The following BICD1 variants were observed in gnomAD, a reference collection of about 807,000 sequenced individuals.
BICD1 encodes protein bicaudal D homolog 1.
BICD1 carries 35 observed loss-of-function variants against 92.5 expected under a neutral mutation model. That is an observed-to-expected ratio of 0.38 (90% CI 0.29 to 0.50). The LOEUF is 0.50. Ranked by LOEUF, BICD1 falls within the 20% of genes least tolerant of loss-of-function variation. The pLI, the probability that BICD1 is intolerant of heterozygous loss-of-function variation, is 0.93. For synonymous variants in BICD1, 429 were observed against 465.1 expected, an observed-to-expected ratio of 0.92 and a Z score of 1.00; for missense variants, 950 against 1,189.8, an observed-to-expected ratio of 0.80 and a Z score of 2.97.
chr12:32,295,082 G>GAAAAAAA (rs10647988), intron 3 of BICD1, among the ~76,000 whole-genome samples: 11 of 103,340 alleles, frequency 1.1e-4, no homozygotes, highest in South Asian at 3.5e-4. Flanking sequence ...ATTCCGTCTC[G>GAAAAAAA]AAAAAAAAAA....
At chr12:32,142,426 AAAAAAC>A (rs1171329941) in intron 1 of BICD1, among the ~76,000 whole-genome samples, 6 of 40,830 alleles carry the variant, frequency 1.5e-4, no homozygotes, top group African/African-American at 3.8e-4. Context: ...AAAAAAAAAA[AAAAAAC>A]AAAAAACCCC....
intron 2 of BICD1, among the ~76,000 whole-genome samples, chr12:32,248,413 T>C (rs1946443783): frequency 6.6e-6 from 1 of 152,212 alleles, no homozygotes; most frequent in South Asian, 2.1e-4. Flanking sequence ...ATTTTCATTT[T>C]GTTTTGTTGT....
intron 2 of BICD1, among the ~76,000 whole-genome samples, chr12:32,284,664 T>G (rs1488694538): frequency 6.6e-6 from 1 of 152,232 alleles, no homozygotes; most frequent in Non-Finnish European, 1.5e-5. Context: ...ATCGTGTGGC[T>G]GTTTTGCTTA....
In BICD1 at chr12:32,197,925, G is replaced by T. The variant is rs530108796; in HGVS notation, c.214-18322G>T. Among the ~76,000 whole-genome samples the T allele has an allele frequency of 1.5e-3, 224 of 151,490 alleles. 4 individuals carry two copies. The South Asian group carries it at 0.045, about 30-fold the overall frequency. ...TGCATATAGTAAAAAAAAAAAAATT[G>T]CCAGGCACCGTGGCTCATGCCTGTA... On this transcript the variant is annotated intron_variant, in intron 1 of 9. Transcript: ENST00000652176.
At chr12:32,346,508 C>A (rs1189634156) in intron 8 of BICD1, among the ~76,000 whole-genome samples, 1 of 120,880 alleles carries the variant, frequency 8.3e-6, no homozygotes, top group South Asian at 2.7e-4. Context: ...CAGAGTGAGA[C>A]CCTGTCAAAA....
chr12:32,228,594 T>C (rs1282813567), intron 2 of BICD1, among the ~76,000 whole-genome samples: 4 of 152,164 alleles, frequency 2.6e-5, no homozygotes, highest in African/African-American at 9.7e-5. Context: ...CATCCAGATA[T>C]GCAAAAATGG....
chr12:32,156,758 G>A (rs1943450838), intron 1 of BICD1, among the ~76,000 whole-genome samples: 1 of 152,168 alleles, frequency 6.6e-6, no homozygotes, highest in Non-Finnish European at 1.5e-5. Context: ...GTGTATTGCA[G>A]AACACTCATG....
At chr12:32,221,355 AAAAAT>A (rs1260409828) in intron 2 of BICD1, among the ~76,000 whole-genome samples, 3 of 140,518 alleles carry the variant, frequency 2.1e-5, no homozygotes, top group Non-Finnish European at 3.0e-5. Flanking sequence ...CAAAAAATAA[AAAAAT>A]AAATAAATAA....
intron 8 of BICD1, 51 bp downstream of exon 8, chr12:32,339,030 A>C: frequency 6.6e-7 from 1 of 1,509,604 alleles, no homozygotes; most frequent in South Asian, 1.3e-5. Context: ...AGTTGAATAG[A>C]CTCTCCCCTT....
chr12:32,338,709 A>T, intron 7 of BICD1, 77 bp from the exon 8 acceptor site: 1 of 1,179,178 alleles, frequency 8.5e-7, no homozygotes, highest in Non-Finnish European at 1.2e-6. Context: ...TAATGTTGTC[A>T]CTGGTGAGGC....
intron 2 of BICD1, among the ~76,000 whole-genome samples, chr12:32,289,790 CA>C (rs1565645177): frequency 6.6e-6 from 1 of 152,092 alleles, no homozygotes; most frequent in Non-Finnish European, 1.5e-5. Flanking sequence ...TAAATTCAGG[CA>C]TATTTGCTTA....
rs1414313740 is a variant in BICD1, at chr12:32,383,435, C to T, written c.*5808C>T. 1.3e-5 allele frequency: 2 copies of T among 152,128 alleles called. No individual in the cohort carries two copies. Among genetic ancestry groups the T allele is most frequent in the Non-Finnish European group, 2.9e-5 (2 of 67,980 alleles). The allele number at this position is 152,128 out of a possible 1,614,324, so 9.4% of individuals were successfully genotyped here. ...AGACAATCCTAAGTGAATAATGTCT[C>T]ATGGGAGAACACATGATATGTGCTT... On this transcript the variant is annotated 3_prime_UTR_variant, in exon 10 of 10. Transcript: ENST00000652176.
At chr12:32,234,160 A>G (rs923138899) in intron 2 of BICD1, among the ~76,000 whole-genome samples, 1 of 152,226 alleles carries the variant, frequency 6.6e-6, no homozygotes, top group Non-Finnish European at 1.5e-5. Flanking sequence ...TTAAGTTAGA[A>G]CACTATGGAT....
intron 1 of BICD1, among the ~76,000 whole-genome samples, chr12:32,180,268 C>T (rs537796295): frequency 6.6e-6 from 1 of 152,012 alleles, no homozygotes; most frequent in Admixed American, 6.6e-5. Context: ...AGTCACCTCC[C>T]CGCTACATAT....
chr12:32,302,553 A>G (rs1948084644), intron 3 of BICD1, among the ~76,000 whole-genome samples: 1 of 152,192 alleles, frequency 6.6e-6, no homozygotes, highest in Non-Finnish European at 1.5e-5. Context: ...TTTCATTTCC[A>G]TGCCATCATG....
rs191248634 is a variant in BICD1 at position 32,227,250 on chromosome 12, C to T, written c.426+10791C>T. ...GCTGGGGGCCAGGGGCCTCTCTCTT[C>T]CTTCATCACCAGTTGCTGGTAACTT... On this transcript the variant is annotated intron_variant, in intron 2 of 9. Coordinates refer to ENST00000652176, the MANE Select transcript of BICD1 (RefSeq NM_001714.4). Among the ~76,000 whole-genome samples the T allele has an allele frequency of 1.5e-3, 233 of 152,108 alleles. 4 individuals carry two copies. The highest frequency in any genetic ancestry group is 0.014 in the Admixed American group (210 of 15,298).
chr12:32,237,692 G>A (rs562408370), intron 2 of BICD1, among the ~76,000 whole-genome samples: 5 of 152,250 alleles, frequency 3.3e-5, no homozygotes, highest in African/African-American at 9.6e-5. Flanking sequence ...ATGACAGCAC[G>A]TCTGTTTATA....
intron 9 of BICD1, among the ~76,000 whole-genome samples, chr12:32,376,886 G>A (rs1009548337): frequency 1.4e-5 from 2 of 141,014 alleles, no homozygotes; most frequent in Admixed American, 7.2e-5. Context: ...AGGGGGGGGG[G>A]GGTGAAATAT....
chr12:32,323,496 A>C (rs747970261), intron 4 of BICD1, among the ~76,000 whole-genome samples: 7 of 152,204 alleles, frequency 4.6e-5, no homozygotes, highest in Non-Finnish European at 1.0e-4. Flanking sequence ...ATAGCTAAGT[A>C]AATGTTGGTC....
Sources: allele counts gnomAD v4.1 joint callset (sites outside exome capture counted in the v4.1 genomes callset), GRCh38; gene constraint gnomAD v4.1.1; transcripts MANE v1.5; gene names NCBI Gene and HGNC (gene_info 2026-07-23, HGNC 2026-07-21).